The following SGCD variants were observed in gnomAD, a reference collection of about 807,000 sequenced individuals.
SGCD encodes the protein delta-sarcoglycan.
Under a neutral mutation model 36.6 loss-of-function variants are expected in SGCD, and 18 were observed. The ratio of observed to expected loss-of-function variants is 0.49; its 90% CI spans 0.34 to 0.73. SGCD has a LOEUF of 0.73. Ranked by LOEUF, SGCD falls within the 30% of genes least tolerant of loss-of-function variation. SGCD has a pLI of 0.01. For missense variants in SGCD, 387 were observed against 346.7 expected (o/e 1.12, Z -0.92); for synonymous variants, 133 against 130.6 (o/e 1.02, Z -0.12).
chr5:156,465,970 T>G (rs1415016622), intron 3 of SGCD, among the ~76,000 whole-genome samples: 2 of 152,184 alleles, frequency 1.3e-5, no homozygotes, highest in Admixed American at 1.3e-4. Flanking sequence ...AAGTTCGTAG[T>G]TGGTATGTGT....
intron 3 of SGCD, among the ~76,000 whole-genome samples, chr5:156,229,081 C>T (rs574794663): frequency 6.6e-6 from 1 of 151,506 alleles, no homozygotes; most frequent in East Asian, 1.9e-4. Context: ...CATCTTTCTC[C>T]CATGCTGAAT....
chr5:156,385,004 T>C (rs1169123606), intron 3 of SGCD, among the ~76,000 whole-genome samples: 1 of 152,138 alleles, frequency 6.6e-6, no homozygotes, highest in African/African-American at 2.4e-5. Flanking sequence ...GCAGAATGTC[T>C]TCTGAGGCAT....
At chr5:156,228,703 GT>G (rs113879014) in intron 3 of SGCD, among the ~76,000 whole-genome samples, 8 of 150,648 alleles carry the variant, frequency 5.3e-5, no homozygotes, top group East Asian at 1.9e-4. Flanking sequence ...GTATACCGTG[GT>G]TTTTTGTTTT....
chr5:156,454,951 AGAC>A (rs1431359314), intron 3 of SGCD, among the ~76,000 whole-genome samples: 1 of 152,046 alleles, frequency 6.6e-6, no homozygotes, highest in East Asian at 1.9e-4. Context: ...CATCAGGAAA[AGAC>A]GACAAGAAGA....
chr5:156,671,292 A>G (rs1394603252), intron 7 of SGCD, among the ~76,000 whole-genome samples: 1 of 63,804 alleles, frequency 1.6e-5, no homozygotes, highest in Admixed American at 2.1e-4. Context: ...TTTTTTTTTG[A>G]GACAGAGTCT....
At chr5:155,886,507 C>T (rs1000120388) in intron 1 of SGCD, among the ~76,000 whole-genome samples, 5 of 150,620 alleles carry the variant, frequency 3.3e-5, no homozygotes, top group South Asian at 2.1e-4. Flanking sequence ...CGCACGCGCG[C>T]GTGCGTGTGT....
At chr5:156,569,874 A>G (rs772127961) in intron 4 of SGCD, among the ~76,000 whole-genome samples, 5 of 152,206 alleles carry the variant, frequency 3.3e-5, no homozygotes, top group Non-Finnish European at 7.3e-5. Flanking sequence ...TAGTAATAAT[A>G]TGGAGAAACC....
chr5:155,766,018 A>T, the SGCD span, among the ~76,000 whole-genome samples: 1 of 152,094 alleles, frequency 6.6e-6, no homozygotes, highest in South Asian at 2.1e-4. Flanking sequence ...GTCATTTTAA[A>T]GGGATCCTAC....
intron 3 of SGCD, among the ~76,000 whole-genome samples, chr5:156,368,373 G>A (rs1418515217): frequency 1.3e-5 from 2 of 152,192 alleles, no homozygotes; most frequent in South Asian, 2.1e-4. Context: ...TTACAGGCGT[G>A]AGCCACTGCG....
intron 1 of SGCD, among the ~76,000 whole-genome samples, chr5:155,961,631 T>A (rs1757792343): frequency 6.6e-6 from 1 of 152,106 alleles, no homozygotes; most frequent in African/African-American, 2.4e-5. Context: ...CAAGGCTTAA[T>A]CTCCATTGGA....
chr5:155,874,849 T>C lies in SGCD; in HGVS notation c.-282+4425T>C, dbSNP rs1042857254. ...ATGCTACCACTGCTTTGGAAAACAG[T>C]TTAACAGTTTTCGAAGAAGTTAAAC... On this transcript the variant is annotated intron_variant, in intron 1 of 9. Transcript: ENST00000517913. 2.6e-5 allele frequency among the ~76,000 whole-genome samples: 4 copies of C among 152,082 alleles called. No individual in the cohort carries two copies. The East Asian group carries it at 5.8e-4, about 22-fold the overall frequency.
At chr5:155,969,907 G>T (rs1757976426) in intron 1 of SGCD, among the ~76,000 whole-genome samples, 4 of 151,994 alleles carry the variant, frequency 2.6e-5, no homozygotes, top group Admixed American at 2.6e-4. Context: ...AGCAGAATTG[G>T]ATAATTTCTA....
intron 3 of SGCD, among the ~76,000 whole-genome samples, chr5:156,250,985 T>C (rs771892081): frequency 1.3e-5 from 2 of 152,206 alleles, no homozygotes; most frequent in Non-Finnish European, 2.9e-5. Flanking sequence ...TTTGCTTTAG[T>C]TTATTGAATT....
chr5:156,091,001 ATTTG>A (rs1161419714), intron 1 of SGCD, among the ~76,000 whole-genome samples: 3 of 152,166 alleles, frequency 2.0e-5, no homozygotes, highest in Non-Finnish European at 4.4e-5. Context: ...GGGTGCCCTG[ATTTG>A]TTTGATTGTT....
intron 3 of SGCD, among the ~76,000 whole-genome samples, chr5:156,372,843 T>A (rs1770461272): frequency 2.0e-5 from 3 of 152,120 alleles, no homozygotes; most frequent in African/African-American, 7.2e-5. Context: ...AATACATGTC[T>A]TTCAGGATCA....
At chr5:155,971,957 T>G (rs1026989047) in intron 1 of SGCD, among the ~76,000 whole-genome samples, 1 of 152,162 alleles carries the variant, frequency 6.6e-6, no homozygotes, top group African/African-American at 2.4e-5. Context: ...TAAAAAGCAC[T>G]CTTCTAAAGC....
chr5:156,265,866 G>A (rs1201244149), intron 3 of SGCD, among the ~76,000 whole-genome samples: 1 of 152,078 alleles, frequency 6.6e-6, no homozygotes, highest in Non-Finnish European at 1.5e-5. Flanking sequence ...GAGGGTAATT[G>A]CTTGCGATTT....
chr5:156,491,787 T>G (rs1167402493), intron 3 of SGCD, among the ~76,000 whole-genome samples: 1 of 152,128 alleles, frequency 6.6e-6, no homozygotes, highest in Non-Finnish European at 1.5e-5. Flanking sequence ...GCAGTTATCT[T>G]ATTAGTACCT....
At chr5:156,302,062 G>T (rs368991841) in intron 3 of SGCD, among the ~76,000 whole-genome samples, 1 of 152,048 alleles carries the variant, frequency 6.6e-6, no homozygotes, top group Non-Finnish European at 1.5e-5. Flanking sequence ...CCTAGGTTTG[G>T]AACATTCTGT....
Sources: gnomAD v4.1 joint callset for allele counts (sites outside exome capture counted in the v4.1 genomes callset) on GRCh38, gnomAD v4.1.1 for gene constraint, MANE v1.5 for transcripts, NCBI Gene and HGNC (gene_info 2026-07-23, HGNC 2026-07-21) for gene names.